PDPN: variants seen among roughly 807,000 people sequenced by gnomAD.
The protein encoded by PDPN is podoplanin.
PDPN carries 12 observed loss-of-function variants against 23.2 expected under a neutral mutation model. The ratio of observed to expected loss-of-function variants is 0.52; its 90% CI spans 0.33 to 0.84. The LOEUF is 0.84. Among genes scored for constraint, PDPN ranks in the 40% least tolerant of loss-of-function variants. The probability of loss-of-function intolerance (pLI) is 0.02; values close to 1 mark genes in which losing one functional copy is unlikely to be tolerated. For synonymous variants in PDPN, 77 were observed against 76.7 expected (o/e 1.00, Z -0.02); for missense variants, 199 against 212.2 (o/e 0.94, Z 0.39).
At position 13,584,092 on chromosome 1, in the gene PDPN, C is replaced by A; in HGVS notation, c.59C>A (p.Ala20Glu). 6.2e-7 allele frequency: 1 copy of A among 1,612,958 alleles called. No individual in the cohort carries two copies. Among genetic ancestry groups the A allele is most frequent in the Non-Finnish European group, 8.5e-7 (1 of 1,179,948 alleles). Residue 20 changes from alanine (A) to glutamate (E), a missense_variant, in exon 1 of 6, where the codon GCA (alanine) becomes GAA (glutamate). By Grantham distance (107) the Ala-to-Glu change is moderately radical. Transcript: ENST00000621990. ...GGAAGCGCGTCGCTCTGGGTCCTGG[C>A]AGAAGGAGGTAAGACCCAGCGCAAG... The part of the protein sequence containing the change: ...VLGSASLWVL[A>E]EGASTGQPED...
intron 1 of PDPN, among the ~76,000 whole-genome samples, chr1:13,589,960 T>A (rs919432120): frequency 1.3e-5 from 2 of 152,164 alleles, no homozygotes; most frequent in Non-Finnish European, 2.9e-5. Context: ...CCCTAGTAGC[T>A]GGGATTACAG....
intron 1 of PDPN, chr1:13,585,554 A>G: frequency 7.4e-7 from 1 of 1,352,038 alleles, no homozygotes; most frequent in Non-Finnish European, 9.8e-7. Flanking sequence ...GCCCTGCTAA[A>G]GAAAAAGCTG....
intron 1 of PDPN, among the ~76,000 whole-genome samples, chr1:13,597,720 T>C (rs1020820553): frequency 4.6e-5 from 7 of 152,254 alleles, no homozygotes; most frequent in African/African-American, 1.7e-4. Flanking sequence ...GTAAAATGAA[T>C]TCTCACTTTG....
chr1:13,613,704 A>C lies in PDPN; in HGVS notation c.349A>C (p.Thr117Pro). Reference sequence around the variant, plus strand: ...ATTCACAGAGAAAGTGGATGGAGACACACAGACAACAGTTGAGAAAGGTAG... The same window carrying C: ...ATTCACAGAGAAAGTGGATGGAGACCCACAGACAACAGTTGAGAAAGGTAG... ...SHSTEKVDGD[T>P]QTTVEKDGLS... is the part of the protein sequence containing the mutation. The change falls in exon 4 of 6, where the codon ACA becomes CCA. Residue 117 changes from threonine (T) to proline (P), a missense_variant. Coordinates refer to ENST00000621990, the MANE Select transcript of PDPN (RefSeq NM_006474.5). 6.7e-7 allele frequency: 1 copy of C among 1,489,476 alleles called. No individual in the cohort carries two copies. The highest frequency in any genetic ancestry group is 2.3e-5 in the East Asian group (1 of 44,206). 92.3% of individuals were successfully genotyped at this position (1,489,476 alleles called of 1,614,324 possible). A position where few individuals can be genotyped will look rare whatever the true frequency, so the allele number is the denominator to read the frequency against.
At chr1:13,591,559 C>T (rs547626365) in intron 1 of PDPN, among the ~76,000 whole-genome samples, 1 of 152,260 alleles carries the variant, frequency 6.6e-6, no homozygotes, top group South Asian at 2.1e-4. Context: ...CTTTCTGTCT[C>T]TATGGATTTG....
At chr1:13,615,733 C>T (rs1461006723) in intron 5 of PDPN, among the ~76,000 whole-genome samples, 172 bp from the exon 6 acceptor site, 1 of 152,030 alleles carries the variant, frequency 6.6e-6, no homozygotes. Flanking sequence ...GCAGTTTGAC[C>T]CTGCTGTGTG....
At chr1:13,608,754 GT>G (rs553809629) in intron 2 of PDPN, among the ~76,000 whole-genome samples, 1 of 152,188 alleles carries the variant, frequency 6.6e-6, no homozygotes, top group Non-Finnish European at 1.5e-5. Context: ...GCGGGAAAGG[GT>G]TTTTTTATTC....
At chr1:13,608,059 C>T (rs1056318038) in intron 2 of PDPN, among the ~76,000 whole-genome samples, 1 of 151,996 alleles carries the variant, frequency 6.6e-6, no homozygotes, top group Non-Finnish European at 1.5e-5. Context: ...GAGCCGAGAT[C>T]GCACCACTGC....
chr1:13,598,570 C>T (rs1640556852), intron 1 of PDPN, among the ~76,000 whole-genome samples: 1 of 152,140 alleles, frequency 6.6e-6, no homozygotes, highest in Admixed American at 6.5e-5. Context: ...GTCATCCCCT[C>T]CTCAACATCT....
intron 3 of PDPN, among the ~76,000 whole-genome samples, chr1:13,612,709 C>T (rs1640965443): frequency 6.6e-6 from 1 of 152,088 alleles, no homozygotes. Context: ...GCGCCTTGTG[C>T]TGAGGAGAAC....
intron 1 of PDPN, among the ~76,000 whole-genome samples, chr1:13,592,398 G>A (rs912134071): frequency 2.6e-5 from 4 of 151,052 alleles, no homozygotes; most frequent in Admixed American, 2.0e-4. Flanking sequence ...AGCTTACAGC[G>A]ATTTACTCTT....
intron 1 of PDPN, among the ~76,000 whole-genome samples, chr1:13,595,146 A>G (rs1640460534): frequency 6.6e-6 from 1 of 152,204 alleles, no homozygotes; most frequent in Non-Finnish European, 1.5e-5. Context: ...TCTGTGAAAG[A>G]TACACATGAG....
At chr1:13,615,570 G>A (rs1641051110) in intron 5 of PDPN, among the ~76,000 whole-genome samples, 1 of 152,056 alleles carries the variant, frequency 6.6e-6, no homozygotes. Context: ...ACAGGCATGA[G>A]CCACCGCACC....
intron 1 of PDPN, among the ~76,000 whole-genome samples, chr1:13,593,651 G>A (rs1044619233): frequency 2.6e-5 from 4 of 152,174 alleles, no homozygotes; most frequent in African/African-American, 9.7e-5. Context: ...TGGACGGTGA[G>A]GTCAGATGCA....
chr1:13,585,822 T>C (rs1037433568), intron 1 of PDPN, among the ~76,000 whole-genome samples: 9 of 152,170 alleles, frequency 5.9e-5, no homozygotes. Context: ...GCGACTTGAA[T>C]ATGGATGAAT....
At chr1:13,598,176 T>G (rs1003719223) in intron 1 of PDPN, among the ~76,000 whole-genome samples, 3 of 151,986 alleles carry the variant, frequency 2.0e-5, no homozygotes, top group Non-Finnish European at 2.9e-5. Flanking sequence ...CCACCACGCC[T>G]GGCTAATTTT....
rs1171072787 is a variant in PDPN at position 13,614,361 on chromosome 1, C to A, written c.432C>A (p.Phe144Leu). Residue 144 changes from phenylalanine (F) to leucine (L), a missense_variant, in exon 5 of 6, where the codon TTC becomes TTA. Coordinates refer to ENST00000621990, the MANE Select transcript of PDPN (RefSeq NM_006474.5). ...TTGGGGTCTTACTAGCCATCGGCTT[C>A]ATTGGTGCAATCATCGTTGTGGTTA... ...IIVGVLLAIG[F>L]IGAIIVVVMR... is the part of the protein sequence containing the mutation. 6.2e-7 allele frequency: 1 copy of A among 1,609,686 alleles called. No homozygotes were observed. Among genetic ancestry groups the A allele is most frequent in the Non-Finnish European group, 8.5e-7 (1 of 1,176,024 alleles).
In PDPN at chr1:13,613,707, C is replaced by G; in HGVS notation, c.352C>G (p.Gln118Glu). The change falls in exon 4 of 6, where the codon CAG becomes GAG. Residue 118 changes from glutamine (Q) to glutamate (E), a missense_variant. Transcript: ENST00000621990. The part of the protein sequence containing the change: ...HSTEKVDGDT[Q>E]TTVEKDGLST... ...CACAGAGAAAGTGGATGGAGACACA[C>G]AGACAACAGTTGAGAAAGGTAGGCT... 1.3e-6 allele frequency: 2 copies of G among 1,499,054 alleles called. No individual in the cohort carries two copies. The highest frequency in any genetic ancestry group is 1.9e-6 in the Non-Finnish European group (2 of 1,075,966). 92.9% of individuals were successfully genotyped at this position (1,499,054 alleles called of 1,614,324 possible). A position where few individuals can be genotyped will look rare whatever the true frequency, so the allele number is the denominator to read the frequency against.
intron 5 of PDPN, chr1:13,614,824 C>T (rs753560970): frequency 2.1e-5 from 11 of 518,192 alleles, no homozygotes; most frequent in South Asian, 1.4e-4. Flanking sequence ...TTCAAAAGGA[C>T]TACATCTGAA....
Sources: allele counts gnomAD v4.1 joint callset (sites outside exome capture counted in the v4.1 genomes callset), GRCh38; gene constraint gnomAD v4.1.1; transcripts MANE v1.5; gene names NCBI Gene and HGNC (gene_info 2026-07-23, HGNC 2026-07-21).